Variants in PYGB observed in about 807,000 individuals in gnomAD.
The protein encoded by PYGB is glycogen phosphorylase B.
PYGB carries 82 observed loss-of-function variants against 94.3 expected under a neutral mutation model. That is an observed-to-expected ratio of 0.87 (90% confidence interval 0.73 to 1.04). PYGB has a LOEUF of 1.04. Ranked by LOEUF, PYGB falls within the 50% of genes least tolerant of loss-of-function variation. PYGB has a pLI of 0.00. For missense variants in PYGB, 1,132 were observed against 1,158.2 expected, an observed-to-expected ratio of 0.98 and a Z score of 0.33; for synonymous variants, 488 against 479.1, an observed-to-expected ratio of 1.02 and a Z score of -0.24.
At chr20:25,292,225 G>A (rs985720528) in intron 16 of PYGB, among the ~76,000 whole-genome samples, 181 bp from the exon 17 acceptor site, 4 of 152,086 alleles carry the variant, frequency 2.6e-5, no homozygotes, top group East Asian at 3.9e-4. Flanking sequence ...CTGCAGAGGC[G>A]GGTGGCCGTG....
chr20:25,268,162 C>CA (rs1555806052), intron 2 of PYGB, among the ~76,000 whole-genome samples: 1 of 7,098 alleles, frequency 1.4e-4, no homozygotes, highest in Non-Finnish European at 2.5e-4. Context: ...CTAGCACCCG[C>CA]CCCCCCCCCA....
rs570473627 is a variant in PYGB at position 25,286,072 on chromosome 20, C to T, written c.1768+1821C>T. Among the ~76,000 whole-genome samples the T allele has an allele frequency of 1.3e-4, 20 of 152,268 alleles. No homozygotes were observed. In the South Asian group the frequency reaches 3.9e-3, roughly 30 times the overall value. The stretch of plus-strand genomic sequence containing the variant: ...GGTGGGTGTGTGTGCAGAAGTCTGG[C>T]GATGTCTGAGTTCTCGATCTCATCA... On this transcript the variant is annotated intron_variant, in intron 14 of 19. Transcript: ENST00000216962.
At chr20:25,295,147 G>T in intron 18 of PYGB, 1 of 1,082,552 alleles carries the variant, frequency 9.2e-7, no homozygotes, top group Non-Finnish European at 1.4e-6. Flanking sequence ...TTTTTGTTCA[G>T]CACATCAGGA....
intron 13 of PYGB, among the ~76,000 whole-genome samples, 179 bp from the exon 14 acceptor site, chr20:25,283,925 C>T (rs1568695543): frequency 6.6e-6 from 1 of 152,084 alleles, no homozygotes; most frequent in Admixed American, 6.5e-5. Context: ...TCAGCATCCC[C>T]CTCTCCCCTT....
chr20:25,274,948 A>G (rs2088297863), intron 5 of PYGB, among the ~76,000 whole-genome samples: 1 of 152,230 alleles, frequency 6.6e-6, no homozygotes, highest in Non-Finnish European at 1.5e-5. Flanking sequence ...GCGAGACTCC[A>G]TGGGGGAAGC....
Position 25,257,869 on chromosome 20 carries a change from G to C in PYGB, c.244-1368G>C, listed in dbSNP as rs189096560. On this transcript the variant is annotated intron_variant, in intron 1 of 19. Coordinates refer to ENST00000216962, the MANE Select transcript of PYGB (RefSeq NM_002862.4). ...GTGCCTGTGGCTTCCTCTGCCAGAG[G>C]GGGGAGGCAGGTGCTATGGAAACCC... Among the ~76,000 whole-genome samples, 137 of 152,272 alleles carry C rather than the reference G, an allele frequency of 9.0e-4. 1 individual carries two copies. The highest frequency in any genetic ancestry group is 3.0e-3 in the African/African-American group (125 of 41,552).
Position 25,277,308 on chromosome 20 carries a change from C to T in PYGB, c.837C>T (p.Val279=), listed in dbSNP as rs1203568542. ...DRNLAENISR[V]LYPNDNFFEG... ...ACTTGGCTGAGAACATCTCCAGGGTCCTGTATCCAAATGATAACGTGAGTA... is the reference window on the plus strand; with the variant it reads ...ACTTGGCTGAGAACATCTCCAGGGTTCTGTATCCAAATGATAACGTGAGTA... The change falls in exon 7 of 20, where the codon GTC becomes GTT. Residue 279 remains valine, a synonymous_variant. Coordinates refer to ENST00000216962, the MANE Select transcript of PYGB (RefSeq NM_002862.4). 6.4e-7 allele frequency: 1 copy of T among 1,571,842 alleles called. No homozygotes were observed. Among genetic ancestry groups the T allele is most frequent in the Non-Finnish European group, 8.8e-7 (1 of 1,141,600 alleles).
chr20:25,292,653 T>G, intron 17 of PYGB, 40 bp downstream of exon 17: 1 of 1,593,996 alleles, frequency 6.3e-7, no homozygotes, highest in South Asian at 1.1e-5. Flanking sequence ...ACCGTGAGGA[T>G]GGAGAATGAA....
chr20:25,266,650 G>A (rs2088220829), intron 2 of PYGB, among the ~76,000 whole-genome samples: 2 of 152,246 alleles, frequency 1.3e-5, no homozygotes, highest in East Asian at 3.9e-4. Flanking sequence ...CTAGTATCCA[G>A]AATATATGTA....
Position 25,278,395 on chromosome 20 carries a change from G to A in PYGB, c.932G>A (p.Arg311His), listed in dbSNP as rs199907983. ...GCCACGCTCCAGGACATCATCCGCC[G>A]CTTCAAGTCGTCCAAGTTCGGCTGC... The part of the protein sequence containing the change: ...VAATLQDIIR[R>H]FKSSKFGCRD... The change falls in exon 8 of 20, where the codon CGC (arginine) becomes CAC (histidine). Residue 311 changes from arginine to histidine, a missense_variant. Transcript: ENST00000216962. 75 of 1,614,094 alleles carry A rather than the reference G, an allele frequency of 4.6e-5. No individual in the cohort carries two copies. The highest frequency in any genetic ancestry group is 5.8e-5 in the Non-Finnish European group (68 of 1,180,036).
chr20:25,259,533 G>A (rs565157435), intron 2 of PYGB, among the ~76,000 whole-genome samples, 195 bp downstream of exon 2: 1 of 152,336 alleles, frequency 6.6e-6, no homozygotes, highest in East Asian at 1.9e-4. Context: ...TAGAAAGTAA[G>A]AATCGAACGG....
intron 2 of PYGB, among the ~76,000 whole-genome samples, chr20:25,268,154 A>ATCACCC (rs2088233586): frequency 1.4e-4 from 1 of 7,378 alleles, no homozygotes; most frequent in Non-Finnish European, 2.2e-4. Flanking sequence ...AGTAAATCCT[A>ATCACCC]GCACCCGCCC....
intron 1 of PYGB, among the ~76,000 whole-genome samples, chr20:25,250,570 T>C (rs919788931): frequency 6.6e-6 from 1 of 152,210 alleles, no homozygotes; most frequent in East Asian, 1.9e-4. Flanking sequence ...TAATTCATGA[T>C]GAAAATAAGC....
chr20:25,266,705 AC>A (rs2088221209), intron 2 of PYGB, among the ~76,000 whole-genome samples: 1 of 152,230 alleles, frequency 6.6e-6, no homozygotes, highest in Admixed American at 6.5e-5. Context: ...TGAAAAATGG[AC>A]AAAAAGACTT....
intron 18 of PYGB, 146 bp downstream of exon 18, chr20:25,294,438 G>T: frequency 1.8e-6 from 2 of 1,106,106 alleles, no homozygotes; most frequent in East Asian, 2.6e-5. Context: ...GACCTTACTG[G>T]GCAGAGCCTT....
chr20:25,259,122 T>C (rs1256127922), intron 1 of PYGB, 115 bp from the exon 2 acceptor site: 1 of 939,098 alleles, frequency 1.1e-6, no homozygotes, highest in Non-Finnish European at 1.6e-6. Context: ...GTGCATGGGG[T>C]TGACATAAAT....
chr20:25,295,847 T>C (rs2088533979), intron 19 of PYGB, among the ~76,000 whole-genome samples, 177 bp downstream of exon 19: 1 of 152,208 alleles, frequency 6.6e-6, no homozygotes, highest in Admixed American at 6.5e-5. Context: ...TCACTGTCAA[T>C]GTCACTCCCT....
intron 2 of PYGB, among the ~76,000 whole-genome samples, chr20:25,264,999 A>C (rs903809910): frequency 3.5e-4 from 54 of 152,234 alleles, no homozygotes; most frequent in Non-Finnish European, 1.6e-4. Flanking sequence ...AGAAAGCTGG[A>C]GGCATCATGC....
chr20:25,256,918 C>T (rs1046240236), intron 1 of PYGB, among the ~76,000 whole-genome samples: 1 of 152,196 alleles, frequency 6.6e-6, no homozygotes, highest in African/African-American at 2.4e-5. Context: ...TGCATTTCTC[C>T]TTGAAAAGTC....
Sources: allele counts gnomAD v4.1 joint callset (sites outside exome capture counted in the v4.1 genomes callset), GRCh38; gene constraint gnomAD v4.1.1; transcripts MANE v1.5; gene names NCBI Gene and HGNC (gene_info 2026-07-23, HGNC 2026-07-21).